The following GRID2 variants were observed in gnomAD, a reference collection of about 807,000 sequenced individuals.
GRID2 encodes the protein glutamate receptor ionotropic, delta-2.
A neutral mutation model predicts 114.8 loss-of-function variants in GRID2; 33 were observed. The ratio of observed to expected loss-of-function variants is 0.29; its 90% confidence interval spans 0.22 to 0.38. GRID2 has a LOEUF of 0.38. Among genes scored for constraint, GRID2 ranks in the 10% least tolerant of loss-of-function variants. The pLI is 1.00. For synonymous variants in GRID2, 505 were observed against 449.9 expected (o/e 1.12, Z -1.55); for missense variants, 1,184 against 1,257.7 (o/e 0.94, Z 0.89).
rs1215126362 is a variant in GRID2 at position 92,848,600 on chromosome 4, C to T, written c.245-236395C>T. On this transcript the variant is annotated intron_variant, in intron 2 of 15. Transcript: ENST00000282020. Reference sequence around the variant, plus strand: ...GGAGTGGCCTTTGATTGTTCTAATACCCACACCTGGAACAATGCCTATTGT... The same window carrying T: ...GGAGTGGCCTTTGATTGTTCTAATATCCACACCTGGAACAATGCCTATTGT... Among the ~76,000 whole-genome samples the T allele has an allele frequency of 2.0e-5, 3 of 151,832 alleles. No homozygotes were observed. The Admixed American group carries it at 2.0e-4, about 10-fold the overall frequency.
chr4:93,596,172 C>A (rs1739066671), intron 13 of GRID2, among the ~76,000 whole-genome samples: 1 of 152,128 alleles, frequency 6.6e-6, no homozygotes, highest in Non-Finnish European at 1.5e-5. Flanking sequence ...CCCTAGTAAA[C>A]CTTTGTAATT....
At chr4:93,782,007 G>T (rs1578792343) in intron 1 of GRID2, among the ~76,000 whole-genome samples, 1 of 152,206 alleles carries the variant, frequency 6.6e-6, no homozygotes, top group African/African-American at 2.4e-5. Context: ...TCCTTCCATT[G>T]ACTTTGGATT....
intron 13 of GRID2, among the ~76,000 whole-genome samples, chr4:93,554,723 TCA>T (rs900219830): frequency 3.3e-5 from 5 of 152,134 alleles, no homozygotes; most frequent in Admixed American, 6.5e-5. Flanking sequence ...TGCCTCAGCC[TCA>T]GTTATGACTG....
At chr4:93,767,060 G>A (rs529011773) in intron 14 of GRID2, among the ~76,000 whole-genome samples, 3 of 152,174 alleles carry the variant, frequency 2.0e-5, no homozygotes, top group Non-Finnish European at 4.4e-5. Context: ...TCTACAAGTA[G>A]TTGCTTCTTT....
intron 8 of GRID2, among the ~76,000 whole-genome samples, chr4:93,382,637 T>C (rs1322819869): frequency 2.0e-5 from 3 of 152,050 alleles, no homozygotes; most frequent in Non-Finnish European, 2.9e-5. Context: ...ATTTCTTGAT[T>C]TCCTCTACTT....
chr4:92,596,905 G>A (rs918136115), intron 2 of GRID2, among the ~76,000 whole-genome samples: 1 of 151,954 alleles, frequency 6.6e-6, no homozygotes, highest in Non-Finnish European at 1.5e-5. Context: ...ATAACTCCAG[G>A]AATAAAAATG....
intron 13 of GRID2, among the ~76,000 whole-genome samples, chr4:93,564,173 A>G (rs1010742853): frequency 6.6e-6 from 1 of 152,042 alleles, no homozygotes; most frequent in Non-Finnish European, 1.5e-5. Context: ...TTAAAAATCT[A>G]TAAGTTTGAA....
intron 2 of GRID2, among the ~76,000 whole-genome samples, chr4:92,591,510 T>C (rs914103248): frequency 5.9e-5 from 9 of 152,150 alleles, no homozygotes; most frequent in African/African-American, 1.7e-4. Context: ...TTAAATAGAA[T>C]TTGGCAGAAG....
chr4:92,494,811 T>C (rs1723311578), intron 1 of GRID2, among the ~76,000 whole-genome samples: 1 of 152,040 alleles, frequency 6.6e-6, no homozygotes, highest in African/African-American at 2.4e-5. Context: ...ATTTAGTACA[T>C]TTTTAGTTTG....
chr4:93,690,343 T>G (rs909092633), intron 14 of GRID2, among the ~76,000 whole-genome samples: 3 of 152,156 alleles, frequency 2.0e-5, no homozygotes, highest in African/African-American at 7.2e-5. Context: ...ACTGTCACTC[T>G]CTACTGCATG....
chr4:92,464,691 T>A (rs746164761), intron 1 of GRID2, among the ~76,000 whole-genome samples: 8 of 152,146 alleles, frequency 5.3e-5, no homozygotes, highest in Admixed American at 2.6e-4. Flanking sequence ...CAGCTTACAG[T>A]CTATTAGTGG....
chr4:92,463,948 T>A (rs79638158), intron 1 of GRID2, among the ~76,000 whole-genome samples: 5 of 151,838 alleles, frequency 3.3e-5, no homozygotes, highest in Non-Finnish European at 5.9e-5. Flanking sequence ...CATTTTTTTT[T>A]ATTCATTTGC....
intron 1 of GRID2, among the ~76,000 whole-genome samples, chr4:92,383,987 AT>A (rs1729741978): frequency 6.6e-6 from 1 of 151,956 alleles, no homozygotes; most frequent in African/African-American, 2.4e-5. Flanking sequence ...AAGATATTTA[AT>A]TGTCAAAACC....
intron 14 of GRID2, among the ~76,000 whole-genome samples, chr4:93,679,670 A>T (rs1725304106): frequency 6.6e-6 from 1 of 151,188 alleles, no homozygotes; most frequent in Non-Finnish European, 1.5e-5. Context: ...CCTGCTCCTG[A>T]ATGACTACTG....
chr4:92,509,828 AG>A (rs894651391), intron 1 of GRID2, among the ~76,000 whole-genome samples: 1 of 151,958 alleles, frequency 6.6e-6, no homozygotes, highest in Non-Finnish European at 1.5e-5. Context: ...GAACACCAAA[AG>A]CCCAGTGTTG....
intron 1 of GRID2, among the ~76,000 whole-genome samples, chr4:92,382,920 TTAGTTGGG>T (rs1729692928): frequency 6.6e-6 from 1 of 151,858 alleles, no homozygotes; most frequent in African/African-American, 2.4e-5. Context: ...GAAAAGAGGT[TTAGTTGGG>T]TCATGGTTCT....
At chr4:92,794,832 A>AAG (rs2149367409) in intron 2 of GRID2, among the ~76,000 whole-genome samples, 1 of 147,364 alleles carries the variant, frequency 6.8e-6, no homozygotes, top group Admixed American at 6.8e-5. Flanking sequence ...TGTTGACCAG[A>AAG]AGCCTTACTG....
intron 4 of GRID2, among the ~76,000 whole-genome samples, chr4:93,145,992 A>G (rs1682973758): frequency 6.6e-6 from 1 of 152,056 alleles, no homozygotes; most frequent in South Asian, 2.1e-4. Flanking sequence ...AGACAAAGGT[A>G]TATATATACA....
At chr4:92,474,092 A>C (rs2149098311) in intron 1 of GRID2, among the ~76,000 whole-genome samples, 1 of 151,916 alleles carries the variant, frequency 6.6e-6, no homozygotes, top group East Asian at 1.9e-4. Context: ...AACTGTAGTC[A>C]ACATGTTAAA....
Sources: gnomAD v4.1 joint callset for allele counts (sites outside exome capture counted in the v4.1 genomes callset) on GRCh38, gnomAD v4.1.1 for gene constraint, MANE v1.5 for transcripts, NCBI Gene and HGNC (gene_info 2026-07-23, HGNC 2026-07-21) for gene names.